STT3A: variants seen among roughly 807,000 people sequenced by gnomAD.
STT3A encodes the protein dolichyl-diphosphooligosaccharide--protein glycosyltransferase subunit STT3A.
STT3A carries 34 observed loss-of-function variants against 89.2 expected under a neutral mutation model. The ratio of observed to expected loss-of-function variants is 0.38; its 90% confidence interval spans 0.29 to 0.51. The LOEUF (loss-of-function observed/expected upper bound fraction) is 0.51. Ranked by LOEUF, STT3A falls within the 20% of genes least tolerant of loss-of-function variation. The probability of loss-of-function intolerance (pLI) is 0.89; values close to 1 mark genes in which losing one functional copy is unlikely to be tolerated. For missense variants in STT3A, 555 were observed against 889.5 expected, an observed-to-expected ratio of 0.62 and a Z score of 4.78; for synonymous variants, 282 against 310.3, an observed-to-expected ratio of 0.91 and a Z score of 0.96.
rs554838453 is a variant in STT3A at position 125,596,349 on chromosome 11, C to G, written c.88+346C>G. 9.2e-5 allele frequency among the ~76,000 whole-genome samples: 14 copies of G among 152,268 alleles called. No individual in the cohort carries two copies. The East Asian group carries it at 2.5e-3, about 27-fold the overall frequency. ...GTGTGGTGGTGGATGCCTGTATTCC[C>G]AGCTACTTGGGAGGCTGAGGCACGA... On this transcript the variant is annotated intron_variant, in intron 2 of 17. Transcript: ENST00000392708.
chr11:125,621,120 G>T lies in STT3A; in HGVS notation c.*310G>T. The T allele has an allele frequency of 3.9e-6, 1 of 254,448 alleles. No homozygotes were observed. The highest frequency in any genetic ancestry group is 7.5e-6 in the Non-Finnish European group (1 of 133,478). The allele number at this position is 254,448 out of a possible 1,614,324, so 15.8% of individuals were successfully genotyped here. On this transcript the variant is annotated 3_prime_UTR_variant, in exon 18 of 18. Transcript: ENST00000392708. ...TTGAGGGAGGCAAAAGCTATGCTAG[G>T]CTGCCAGAAGGACATAAGCAGACCT... is the stretch of plus-strand genomic sequence containing the variant.
rs753097601 is a variant in STT3A, at chr11:125,614,327, A to G, written c.1675A>G (p.Met559Val). 3 of 1,614,104 alleles carry G rather than the reference A, an allele frequency of 1.9e-6. No homozygotes were observed. Among genetic ancestry groups the G allele is most frequent in the Non-Finnish European group, 2.5e-6 (3 of 1,180,022 alleles). Residue 559 changes from methionine to valine, a missense_variant, in exon 15 of 18, where the codon ATG becomes GTG. By Grantham distance (21) the Met-to-Val change is conservative (BLOSUM62 1). Coordinates refer to ENST00000392708, the MANE Select transcript of STT3A (RefSeq NM_152713.5). This position sits in a 1 kb window ranked among gnomAD's most constrained non-coding sequence, Gnocchi z 4.9. ...NTHISRVGQA[M>V]ASTEEKAYEI... is the part of the protein sequence containing the mutation. ...AATTGTACATTTGTTTTTCCAGGCA[A>G]TGGCGTCCACAGAGGAAAAAGCCTA...
rs112001327 is a variant in STT3A at position 125,618,764 on chromosome 11, T to C, written c.1963+203T>C. ...TGCATATTTTTTTGAGACAGGGTTT[T>C]TGCTCTGACACCCAGGCTGGAGTGC... On this transcript the variant is annotated intron_variant, in intron 16 of 17. Coordinates refer to ENST00000392708, the MANE Select transcript of STT3A (RefSeq NM_152713.5). Among the ~76,000 whole-genome samples, 12 of 152,078 alleles carry C rather than the reference T, an allele frequency of 7.9e-5. 1 individual carries two copies. The highest frequency in any genetic ancestry group is 2.9e-4 in the African/African-American group (12 of 41,336).
At chr11:125,611,759 T>C (rs1047184738) in intron 11 of STT3A, among the ~76,000 whole-genome samples, 1 of 152,146 alleles carries the variant, frequency 6.6e-6, no homozygotes, top group African/African-American at 2.4e-5. Flanking sequence ...TTTTGCACTT[T>C]GTTGGATAAT....
rs1174118966 is a variant in STT3A, at chr11:125,608,091, A to G, written c.781-18A>G. 7 of 1,586,676 alleles carry G rather than the reference A, an allele frequency of 4.4e-6. No homozygotes were observed. The highest frequency in any genetic ancestry group is 4.1e-5 in the African/African-American group (3 of 73,502). On this transcript the variant is annotated intron_variant, in intron 8 of 17. Transcript: ENST00000392708. ...TTTTTTTTCCTTAGTATTAACATAC[A>G]TATCCTTTTACCTACAGCCTGTCCT...
intron 12 of STT3A, 83 bp from the exon 13 acceptor site, chr11:125,612,906 A>G (rs1940069324): frequency 2.6e-6 from 4 of 1,541,036 alleles, no homozygotes; most frequent in Admixed American, 1.7e-5. Context: ...AATCTCATCT[A>G]TATGAATGTG....
intron 2 of STT3A, 53 bp downstream of exon 2, chr11:125,596,056 AG>A: frequency 7.0e-7 from 1 of 1,419,378 alleles, no homozygotes. Context: ...AAGAAAGTCT[AG>A]AAAAAAATTG....
In STT3A at chr11:125,618,478, A is replaced by G. The variant is rs763609978; in HGVS notation, c.1880A>G (p.Asp627Gly). 5.8e-5 allele frequency: 93 copies of G among 1,613,924 alleles called. No individual in the cohort carries two copies. Among genetic ancestry groups the G allele is most frequent in the Non-Finnish European group, 7.7e-5 (91 of 1,180,028 alleles). The part of the protein sequence containing the change: ...YYTPTGEFRV[D>G]REGSPVLLNC... The stretch of plus-strand genomic sequence containing the variant: ...ACTCCAACTGGGGAGTTCCGTGTGG[A>G]CCGTGAAGGTTCTCCAGTGCTGCTC... The change falls in exon 16 of 18, where the codon GAC (aspartate) becomes GGC (glycine). Residue 627 changes from aspartate to glycine, a missense_variant. Around this residue, in one of 5 missense-constraint regions of STT3A, gnomAD observed 273 missense variants for 449.8 expected, o/e 0.61. Coordinates refer to ENST00000392708, the MANE Select transcript of STT3A (RefSeq NM_152713.5).
chr11:125,592,333 C>T, upstream of STT3A: 1 of 453,018 alleles, frequency 2.2e-6, no homozygotes, highest in South Asian at 1.6e-5. Context: ...CTGGACCAGT[C>T]CGCGTTTGAG....
intron 16 of STT3A, 124 bp from the exon 17 acceptor site, chr11:125,619,885 TAC>T: frequency 2.5e-6 from 2 of 786,916 alleles, no homozygotes; most frequent in Admixed American, 2.5e-5. Flanking sequence ...TTGCAGGCTC[TAC>T]TCTCAACAAA....
intron 3 of STT3A, among the ~76,000 whole-genome samples, chr11:125,600,267 C>G (rs1939632206): frequency 6.6e-6 from 1 of 152,148 alleles, no homozygotes; most frequent in East Asian, 1.9e-4. Context: ...TCAGGCTGGT[C>G]TCGAACTCCC....
At chr11:125,615,374 C>T (rs1940147534) in intron 15 of STT3A, among the ~76,000 whole-genome samples, 1 of 152,132 alleles carries the variant, frequency 6.6e-6, no homozygotes, top group East Asian at 1.9e-4. Context: ...ATTCCTGCAG[C>T]TATTTCTTCT....
rs1565354450 is a variant in STT3A at position 125,620,869 on chromosome 11, G to GTTT, written c.*59_*60insTTT. On this transcript the variant is annotated 3_prime_UTR_variant, in exon 18 of 18. Transcript: ENST00000392708. ...AGCACATCACATTTAGGACGTTGAA[G>GTTT]ATTTTTTTTTTTTTTTTTTTTTAAT... 258 of 841,334 alleles carry GTTT rather than the reference G, an allele frequency of 3.1e-4. No individual in the cohort carries two copies. Among genetic ancestry groups the GTTT allele is most frequent in the Middle Eastern group, 7.7e-4 (2 of 2,592 alleles). The allele number at this position is 841,334 out of a possible 1,614,324, so 52.1% of individuals were successfully genotyped here. A position where few individuals can be genotyped will look rare whatever the true frequency, so the allele number is the denominator to read the frequency against.
At position 125,613,229 on chromosome 11, in the gene STT3A, A is replaced by G. The variant is rs1404834497; in HGVS notation, c.1554+52A>G. On this transcript the variant is annotated intron_variant, in intron 13 of 17. Transcript: ENST00000392708. The surrounding 1 kb of genome is among the most constrained non-coding windows in gnomAD (Gnocchi z 4.2). ...GTGGGTTAGGGGCAAAGGGGAAGAC[A>G]TTTGATGTTACAGTGAATCATACAG... 1.3e-6 allele frequency: 2 copies of G among 1,589,146 alleles called. No individual in the cohort carries two copies. Among genetic ancestry groups the G allele is most frequent in the African/African-American group, 1.3e-5 (1 of 74,434 alleles).
chr11:125,593,096 G>A (rs1363002865), intron 1 of STT3A, 178 bp downstream of exon 1: 1 of 154,366 alleles, frequency 6.5e-6, no homozygotes, highest in African/African-American at 2.4e-5. Flanking sequence ...GGAAGGATGC[G>A]AAGGTCTAGG....
At chr11:125,596,223 G>A (rs1249808035) in intron 2 of STT3A, among the ~76,000 whole-genome samples, 1 of 152,196 alleles carries the variant, frequency 6.6e-6, no homozygotes, top group Non-Finnish European at 1.5e-5. Flanking sequence ...CCAGCACTTT[G>A]GGAGGCTGGG....
rs539660731 is a variant in STT3A, at chr11:125,620,495, T to C, written c.2080-277T>C. On this transcript the variant is annotated intron_variant, in intron 17 of 17. Coordinates refer to ENST00000392708, the MANE Select transcript of STT3A (RefSeq NM_152713.5). Reference sequence around the variant, plus strand: ...GAAGAACTTAAGGTATATAGAGTCATATAGAACCACATAGGAGTATATCTC... The same window carrying C: ...GAAGAACTTAAGGTATATAGAGTCACATAGAACCACATAGGAGTATATCTC... 5.9e-5 allele frequency among the ~76,000 whole-genome samples: 9 copies of C among 152,318 alleles called. No individual in the cohort carries two copies. The South Asian group carries it at 1.9e-3, about 32-fold the overall frequency.
upstream of STT3A, chr11:125,591,841 C>T: frequency 6.5e-6 from 1 of 152,698 alleles, no homozygotes; most frequent in South Asian, 2.0e-4. Context: ...CTGGTGTAGC[C>T]TTGGCTCACC....
At chr11:125,596,057 G>A in intron 2 of STT3A, 54 bp downstream of exon 2, 2 of 1,343,178 alleles carry the variant, frequency 1.5e-6, no homozygotes, top group Admixed American at 2.1e-5. Context: ...AGAAAGTCTA[G>A]AAAAAAATTG....
Sources: allele counts gnomAD v4.1 joint callset (sites outside exome capture counted in the v4.1 genomes callset), GRCh38; gene constraint gnomAD v4.1.1; regional missense constraint gnomAD v4.1.1; non-coding constraint Gnocchi (gnomAD v3.1); transcripts MANE v1.5; gene names NCBI Gene and HGNC (gene_info 2026-07-23, HGNC 2026-07-21).